Variants in PGM2L1 observed in about 807,000 individuals in gnomAD.
The protein encoded by PGM2L1 is phosphoglucomutase 2 like 1, also known as glucose 1,6-bisphosphate synthase.
PGM2L1 carries 35 observed loss-of-function variants against 73.4 expected under a neutral mutation model. That is an observed-to-expected ratio of 0.48 (90% CI 0.36 to 0.63). The LOEUF is 0.63. PGM2L1 is among the 30% of genes least tolerant of loss of function. The pLI is 0.00. For missense variants in PGM2L1, 570 were observed against 742.0 expected, an observed-to-expected ratio of 0.77 and a Z score of 2.69; for synonymous variants, 225 against 253.8, an observed-to-expected ratio of 0.89 and a Z score of 1.08.
chr11:74,375,167 T>A (rs898160019), intron 1 of PGM2L1, among the ~76,000 whole-genome samples: 1 of 152,232 alleles, frequency 6.6e-6, no homozygotes, highest in African/African-American at 2.4e-5. Flanking sequence ...AATTTATCTA[T>A]GGCACAAGTT....
intron 4 of PGM2L1, 107 bp from the exon 5 acceptor site, chr11:74,368,682 T>A: frequency 2.6e-6 from 2 of 763,920 alleles, no homozygotes; most frequent in Non-Finnish European, 4.3e-6. Flanking sequence ...TAGTATGATA[T>A]TGCTTTTGTT....
intron 5 of PGM2L1, among the ~76,000 whole-genome samples, chr11:74,368,222 G>A (rs1237688538): frequency 2.0e-5 from 3 of 152,112 alleles, no homozygotes; most frequent in East Asian, 1.9e-4. Flanking sequence ...TTTATGAAAC[G>A]GTAGAGAGGA....
rs544542750 is a variant in PGM2L1, at chr11:74,335,234, G to A, written c.*1418C>T. Reference sequence around the variant, plus strand: ...CCTCCTAGGTTCAAGCAATTCTCCTGCCTCAGCCTCCCGAGTAGCTGGGAC... The same window carrying A: ...CCTCCTAGGTTCAAGCAATTCTCCTACCTCAGCCTCCCGAGTAGCTGGGAC... On this transcript the variant is annotated 3_prime_UTR_variant, in exon 14 of 14. Transcript: ENST00000298198. 433 of 151,736 alleles carry A rather than the reference G, an allele frequency of 2.9e-3. 1 individual carries two copies. Among genetic ancestry groups the A allele is most frequent in the Middle Eastern group, 0.023 (7 of 300 alleles). 9.4% of individuals were successfully genotyped at this position (151,736 alleles called of 1,614,324 possible).
At chr11:74,339,835 C>A (rs561648874) in intron 12 of PGM2L1, among the ~76,000 whole-genome samples, 81 of 152,272 alleles carry the variant, frequency 5.3e-4, no homozygotes, top group African/African-American at 1.9e-3. Flanking sequence ...GTTCCCTTTG[C>A]CTGAAACACC....
Position 74,354,305 on chromosome 11 carries a change from C to T in PGM2L1, c.556-2729G>A, listed in dbSNP as rs1468094809. On this transcript the variant is annotated intron_variant, in intron 5 of 13. Coordinates refer to ENST00000298198, the MANE Select transcript of PGM2L1 (RefSeq NM_173582.6). ...TGATATAGTAACATAAAAATTCATG[C>T]AACAAAATATGTCCAGGAATAAATG... The T allele has an allele frequency of 1.4e-5, 7 of 504,602 alleles. No homozygotes were observed. The East Asian group carries it at 2.1e-4, about 15-fold the overall frequency. 31.3% of individuals were successfully genotyped at this position (504,602 alleles called of 1,614,324 possible). A position where few individuals can be genotyped will look rare whatever the true frequency, so the allele number is the denominator to read the frequency against.
intron 1 of PGM2L1, among the ~76,000 whole-genome samples, chr11:74,379,357 G>A (rs1467191823): frequency 6.6e-6 from 1 of 151,834 alleles, no homozygotes; most frequent in East Asian, 1.9e-4. Flanking sequence ...TGACCCAAAC[G>A]CCTCCCACCA....
At chr11:74,382,772 T>C (rs1213260841) in intron 1 of PGM2L1, among the ~76,000 whole-genome samples, 2 of 152,182 alleles carry the variant, frequency 1.3e-5, no homozygotes, top group Non-Finnish European at 2.9e-5. Flanking sequence ...GTGCTGAGAT[T>C]ACAGGCATGA....
chr11:74,331,002 T>G lies in PGM2L1; in HGVS notation c.*5650A>C, dbSNP rs1225353333. On this transcript the variant is annotated 3_prime_UTR_variant, in exon 14 of 14. Coordinates refer to ENST00000298198, the MANE Select transcript of PGM2L1 (RefSeq NM_173582.6). Reference sequence around the variant, plus strand: ...CATTTTTTGATTGTTCCTTAAACTATTTGCTACTTTTAAAAAATCCCTTAA... The same window carrying G: ...CATTTTTTGATTGTTCCTTAAACTAGTTGCTACTTTTAAAAAATCCCTTAA... 1.3e-5 allele frequency: 2 copies of G among 152,206 alleles called. No individual in the cohort carries two copies. Among genetic ancestry groups the G allele is most frequent in the East Asian group, 3.8e-4 (2 of 5,200 alleles). 9.4% of individuals were successfully genotyped at this position (152,206 alleles called of 1,614,324 possible). A position where few individuals can be genotyped will look rare whatever the true frequency, so the allele number is the denominator to read the frequency against.
chr11:74,381,534 C>T (rs1442134362), intron 1 of PGM2L1, among the ~76,000 whole-genome samples: 24 of 146,988 alleles, frequency 1.6e-4, no homozygotes, highest in Admixed American at 1.0e-3. Context: ...GAAACTTTGG[C>T]GTATTTGTAG....
At chr11:74,343,139 G>T in intron 10 of PGM2L1, 125 bp from the exon 11 acceptor site, 1 of 1,350,246 alleles carries the variant, frequency 7.4e-7, no homozygotes, top group Non-Finnish European at 1.0e-6. Context: ...CATCAATACT[G>T]AGTGTATTTA....
chr11:74,342,399 C>T, intron 12 of PGM2L1, 62 bp downstream of exon 12: 14 of 1,296,466 alleles, frequency 1.1e-5, no homozygotes, highest in Non-Finnish European at 1.4e-5. Context: ...TGCCTCTGGA[C>T]TTTTTGGTGA....
intron 1 of PGM2L1, among the ~76,000 whole-genome samples, chr11:74,383,642 C>T (rs1306204432): frequency 2.0e-5 from 3 of 151,816 alleles, no homozygotes; most frequent in Middle Eastern, 3.4e-3. Flanking sequence ...GTTCCCCTCC[C>T]GGTGTCCATG....
intron 5 of PGM2L1, among the ~76,000 whole-genome samples, chr11:74,363,743 C>A (rs970099152): frequency 2.6e-5 from 4 of 152,112 alleles, no homozygotes; most frequent in Non-Finnish European, 4.4e-5. Flanking sequence ...CAAAAAAAGT[C>A]CAGGACCAGA....
chr11:74,370,681 T>C (rs1862738152), intron 4 of PGM2L1, among the ~76,000 whole-genome samples: 2 of 152,266 alleles, frequency 1.3e-5, no homozygotes, highest in Non-Finnish European at 2.9e-5. Flanking sequence ...TATTTCACTA[T>C]AACTGTAGAC....
Position 74,378,342 on chromosome 11 carries a change from G to A in PGM2L1, c.112-3760C>T, listed in dbSNP as rs181542078. ...AAAAAGAAAAAGAAATATACACACT[G>A]ACCTATTATATAAAATGAAAATTAA... On this transcript the variant is annotated intron_variant, in intron 1 of 13. Coordinates refer to ENST00000298198, the MANE Select transcript of PGM2L1 (RefSeq NM_173582.6). 2.9e-3 allele frequency among the ~76,000 whole-genome samples: 441 copies of A among 151,806 alleles called. 2 individuals carry two copies. Among genetic ancestry groups the A allele is most frequent in the Non-Finnish European group, 3.9e-3 (267 of 67,894 alleles).
In PGM2L1 at chr11:74,347,138, A is replaced by T. The variant is rs200839292; in HGVS notation, c.939+10T>A. Reference sequence around the variant, plus strand: ...TAAACTAATAATAATTTAAATATTTAAAAAAATACCAGCACAGATTCTCCT... The same window carrying T: ...TAAACTAATAATAATTTAAATATTTTAAAAAATACCAGCACAGATTCTCCT... On this transcript the variant is annotated intron_variant, in intron 7 of 13. Transcript: ENST00000298198. 92 of 1,523,548 alleles carry T rather than the reference A, an allele frequency of 6.0e-5. 1 individual carries two copies. The highest frequency in any genetic ancestry group is 7.0e-5 in the Non-Finnish European group (80 of 1,136,060). The allele number at this position is 1,523,548 out of a possible 1,614,324, so 94.4% of individuals were successfully genotyped here.
At chr11:74,377,169 C>G (rs1238269759) in intron 1 of PGM2L1, among the ~76,000 whole-genome samples, 1 of 148,364 alleles carries the variant, frequency 6.7e-6, no homozygotes, top group African/African-American at 2.5e-5. Flanking sequence ...GAGTCTCGCT[C>G]TGTCACCCAG....
intron 9 of PGM2L1, among the ~76,000 whole-genome samples, chr11:74,344,077 A>G (rs377286995): frequency 6.6e-6 from 1 of 151,642 alleles, no homozygotes; most frequent in Non-Finnish European, 1.5e-5. Flanking sequence ...GTCTGGCCCC[A>G]TTATCTTTTT....
intron 5 of PGM2L1, among the ~76,000 whole-genome samples, chr11:74,364,020 T>C (rs1172292849): frequency 2.0e-5 from 3 of 152,108 alleles, no homozygotes; most frequent in African/African-American, 7.2e-5. Flanking sequence ...TCCACCATGA[T>C]CAAGTGGGCT....
Sources: allele counts gnomAD v4.1 joint callset (sites outside exome capture counted in the v4.1 genomes callset), GRCh38; gene constraint gnomAD v4.1.1; transcripts MANE v1.5; gene names NCBI Gene and HGNC (gene_info 2026-07-23, HGNC 2026-07-21).